Variants in IL7 observed in about 807,000 individuals in gnomAD.
IL7 encodes interleukin 7, also known as interleukin-7.
A neutral mutation model predicts 21.6 loss-of-function variants in IL7; 3 were observed. That is an observed-to-expected ratio of 0.14 (90% CI 0.06 to 0.36). The LOEUF (loss-of-function observed/expected upper bound fraction) is 0.36. IL7 is among the 10% of genes least tolerant of loss of function. The pLI, the probability that IL7 is intolerant of heterozygous loss-of-function variation, is 1.00. For missense variants in IL7, 175 were observed against 200.2 expected, an observed-to-expected ratio of 0.87 and a Z score of 0.76; for synonymous variants, 62 against 68.1, an observed-to-expected ratio of 0.91 and a Z score of 0.44.
intron 3 of IL7, among the ~76,000 whole-genome samples, chr8:78,686,776 A>G (rs1458021051): frequency 6.6e-6 from 1 of 152,214 alleles, no homozygotes; most frequent in East Asian, 1.9e-4. Context: ...GTAGGCTTAT[A>G]AAGACATTAA....
At chr8:78,793,035 T>C (rs1490803268) in intron 2 of IL7, among the ~76,000 whole-genome samples, 3 of 152,148 alleles carry the variant, frequency 2.0e-5, no homozygotes, top group Admixed American at 1.3e-4. Context: ...CAGAATTTTA[T>C]TGAGCCATGA....
intron 3 of IL7, among the ~76,000 whole-genome samples, chr8:78,693,252 T>A (rs573092383): frequency 1.3e-4 from 20 of 152,192 alleles, no homozygotes; most frequent in Admixed American, 8.5e-4. Context: ...TACCCAGTAA[T>A]GGGATGGCTG....
intron 2 of IL7, among the ~76,000 whole-genome samples, chr8:78,769,666 C>T (rs1186897597): frequency 3.9e-5 from 6 of 152,074 alleles, no homozygotes; most frequent in African/African-American, 1.4e-4. Context: ...ACTTTCTTCA[C>T]AGAATTGGAA....
intron 2 of IL7, among the ~76,000 whole-genome samples, chr8:78,765,665 A>G (rs1371733393): frequency 6.6e-6 from 1 of 152,090 alleles, no homozygotes; most frequent in Non-Finnish European, 1.5e-5. Flanking sequence ...GCCAAAACCC[A>G]AAACACTGAC....
intron 2 of IL7, among the ~76,000 whole-genome samples, chr8:78,797,641 C>G (rs1004444562): frequency 2.0e-5 from 3 of 151,700 alleles, no homozygotes; most frequent in Non-Finnish European, 4.4e-5. Context: ...ATATAAAATA[C>G]ACACATATAA....
intron 2 of IL7, among the ~76,000 whole-genome samples, chr8:78,782,385 G>C (rs1247854337): frequency 2.0e-5 from 3 of 152,128 alleles, no homozygotes; most frequent in African/African-American, 7.2e-5. Flanking sequence ...ACCTTTGGAT[G>C]GGGTTTCTGT....
intron 2 of IL7, among the ~76,000 whole-genome samples, chr8:78,762,945 A>G (rs1812627739): frequency 6.6e-6 from 1 of 152,074 alleles, no homozygotes; most frequent in Non-Finnish European, 1.5e-5. Flanking sequence ...AGCTGTAATT[A>G]TAGTATTGTT....
At chr8:78,741,078 G>A (rs1397617013) in intron 2 of IL7, among the ~76,000 whole-genome samples, 8 of 152,158 alleles carry the variant, frequency 5.3e-5, no homozygotes. Flanking sequence ...CAGAGAAACA[G>A]GATAAGAAGT....
At chr8:78,689,251 A>G in intron 3 of IL7, 4 of 1,589,640 alleles carry the variant, frequency 2.5e-6, no homozygotes, top group Non-Finnish European at 3.4e-6. Flanking sequence ...TTGTCAGAGG[A>G]GATTCAATGA....
intron 2 of IL7, among the ~76,000 whole-genome samples, chr8:78,785,658 A>G (rs1813486797): frequency 6.6e-6 from 1 of 152,224 alleles, no homozygotes; most frequent in South Asian, 2.1e-4. Flanking sequence ...GCCCCCTTCC[A>G]GAATGGATGC....
In IL7 at chr8:78,705,611, G is replaced by T. The variant is rs138517280; in HGVS notation, n.214+15737C>A. 8.6e-3 allele frequency among the ~76,000 whole-genome samples: 1,311 copies of T among 152,262 alleles called. 26 individuals are homozygous for T. Among genetic ancestry groups the T allele is most frequent in the African/African-American group, 0.03 (1,237 of 41,532 alleles). On this transcript the variant is annotated intron_variant and non_coding_transcript_variant, in intron 3 of 4. Transcript: ENST00000523959. ...GGCCACATTTTTATGGGACCACTGT[G>T]GTGTGCTGTTGTACCACTTCCACCT... is the stretch of plus-strand genomic sequence containing the variant.
chr8:78,690,458 G>A (rs1487580935), intron 3 of IL7, among the ~76,000 whole-genome samples: 3 of 152,036 alleles, frequency 2.0e-5, no homozygotes, highest in South Asian at 2.1e-4. Context: ...TACTTGGGAG[G>A]CTGAGGCAGG....
At chr8:78,774,620 C>G (rs937599693) in intron 2 of IL7, among the ~76,000 whole-genome samples, 3 of 152,062 alleles carry the variant, frequency 2.0e-5, no homozygotes, top group East Asian at 1.9e-4. Flanking sequence ...AACTTACACC[C>G]ATAACATAGC....
chr8:78,747,916 C>T (rs565023299), intron 2 of IL7, among the ~76,000 whole-genome samples: 329 of 152,196 alleles, frequency 2.2e-3, no homozygotes, highest in Non-Finnish European at 3.4e-3. Context: ...GAATACTTCC[C>T]GGAGAAGGAT....
At chr8:78,763,571 C>A (rs1283587244) in intron 2 of IL7, among the ~76,000 whole-genome samples, 1 of 151,956 alleles carries the variant, frequency 6.6e-6, no homozygotes, top group Admixed American at 6.6e-5. Flanking sequence ...AATTTGATAA[C>A]CTATATGAAA....
chr8:78,729,008 C>T (rs1377311777), downstream of IL7, among the ~76,000 whole-genome samples: 2 of 151,996 alleles, frequency 1.3e-5, no homozygotes, highest in Admixed American at 6.6e-5. Flanking sequence ...TCTGTGAAGG[C>T]ATCATGTACT....
chr8:78,736,655 A>G (rs781515389), intron 4 of IL7, 128 bp from the exon 5 acceptor site: 9 of 565,792 alleles, frequency 1.6e-5, no homozygotes, highest in Non-Finnish European at 2.8e-5. Context: ...TAAATTTCTT[A>G]TTGTTAAGAA....
intron 2 of IL7, among the ~76,000 whole-genome samples, chr8:78,786,459 T>G (rs930900534): frequency 6.6e-6 from 1 of 152,062 alleles, no homozygotes; most frequent in Non-Finnish European, 1.5e-5. Context: ...GAGCCATGAG[T>G]GAATGTGAAG....
chr8:78,704,449 T>C (rs1211522044), intron 3 of IL7, among the ~76,000 whole-genome samples: 1 of 151,518 alleles, frequency 6.6e-6, no homozygotes, highest in African/African-American at 2.4e-5. Context: ...GCTTGTAGGG[T>C]TTCCACTGAG....
Sources: allele counts gnomAD v4.1 joint callset (sites outside exome capture counted in the v4.1 genomes callset), GRCh38; gene constraint gnomAD v4.1.1; transcripts MANE v1.5; gene names NCBI Gene and HGNC (gene_info 2026-07-23, HGNC 2026-07-21).